The following KCNG2 variants were observed in gnomAD, a reference collection of about 807,000 sequenced individuals.
KCNG2 encodes voltage-gated potassium channel regulatory subunit KCNG2.
KCNG2 carries 7 observed loss-of-function variants against 12.3 expected under a neutral mutation model. The ratio of observed to expected loss-of-function variants is 0.57; its 90% CI spans 0.32 to 1.07. The LOEUF (loss-of-function observed/expected upper bound fraction) is 1.07. Ranked by LOEUF, KCNG2 falls within the 50% of genes least tolerant of loss-of-function variation. The pLI is 0.04. For missense variants in KCNG2, 703 were observed against 726.0 expected, an observed-to-expected ratio of 0.97 and a Z score of 0.36; for synonymous variants, 414 against 351.4, an observed-to-expected ratio of 1.18 and a Z score of -1.99.
chr18:79,800,601 A>AG lies in KCNG2; in HGVS notation c.-115+2590dup, dbSNP rs1281366732. Among the ~76,000 whole-genome samples, 1 of 152,242 alleles carries AG rather than the reference A, an allele frequency of 6.6e-6. No homozygotes were observed. The highest frequency in any genetic ancestry group is 2.4e-5 in the African/African-American group (1 of 41,476). On this transcript the variant is annotated intron_variant, in intron 1 of 3. Coordinates refer to ENST00000316249, the MANE Select transcript of KCNG2 (RefSeq NM_012283.2). This position sits in a 1 kb window ranked among gnomAD's most constrained non-coding sequence, Gnocchi z 4.0. Reference sequence around the variant, plus strand: ...CCGCCTTCCCGTGTGGGAGGCACTCAGGGTCCTTGCTGGTGTCGGAGAAAC... The same window carrying AG: ...CCGCCTTCCCGTGTGGGAGGCACTCAGGGGTCCTTGCTGGTGTCGGAGAAAC...
chr18:79,897,178 T>G (rs953934797), intron 3 of KCNG2, among the ~76,000 whole-genome samples: 1 of 152,070 alleles, frequency 6.6e-6, no homozygotes, highest in African/African-American at 2.4e-5. Flanking sequence ...TTTTCCCTTC[T>G]CTCCTCTCCT....
chr18:79,812,219 CAT>C (rs1185483596), intron 1 of KCNG2, among the ~76,000 whole-genome samples: 2 of 152,108 alleles, frequency 1.3e-5, no homozygotes, highest in African/African-American at 4.8e-5. Flanking sequence ...ATTCGAAACA[CAT>C]AGAACTGAAT....
At chr18:79,844,004 T>C (rs1268525757) in intron 1 of KCNG2, among the ~76,000 whole-genome samples, 1 of 152,206 alleles carries the variant, frequency 6.6e-6, no homozygotes, top group African/African-American at 2.4e-5. Flanking sequence ...GCTTTAAGGA[T>C]ATACATAGGC....
Position 79,896,926 on chromosome 18 carries a change from G to A in KCNG2, c.625-2114G>A, listed in dbSNP as rs114971802. Among the ~76,000 whole-genome samples, 1,279 of 152,304 alleles carry A rather than the reference G, an allele frequency of 8.4e-3. 13 individuals are homozygous for A. Among genetic ancestry groups the A allele is most frequent in the African/African-American group, 0.027 (1,105 of 41,532 alleles). On this transcript the variant is annotated intron_variant, in intron 3 of 3. Transcript: ENST00000316249. ...CTATCCCACTGCCTTATGGCTTGCA[G>A]TGTTTCTGCTGGTAAGTCAGCCGTT...
At chr18:79,816,906 A>G (rs2087532685) in intron 1 of KCNG2, among the ~76,000 whole-genome samples, 1 of 152,250 alleles carries the variant, frequency 6.6e-6, no homozygotes, top group African/African-American at 2.4e-5. Context: ...GGCGGCAGCA[A>G]AAGACGCAGC....
chr18:79,885,394 C>T (rs189709554), intron 3 of KCNG2, among the ~76,000 whole-genome samples: 260 of 152,246 alleles, frequency 1.7e-3, no homozygotes, highest in African/African-American at 5.9e-3. Flanking sequence ...CTGAAAGTTC[C>T]GGAAACGTGC....
At chr18:79,861,933 T>C (rs1178767785) in intron 2 of KCNG2, among the ~76,000 whole-genome samples, 1 of 152,242 alleles carries the variant, frequency 6.6e-6, no homozygotes, top group Admixed American at 6.5e-5. Flanking sequence ...TCTAATGAGC[T>C]TTTCATTTCA....
rs145617182 is a variant in KCNG2, at chr18:79,801,462, C to G, written c.-115+3448C>G. 5.8e-3 allele frequency among the ~76,000 whole-genome samples: 883 copies of G among 152,356 alleles called. 16 individuals carry two copies. The highest frequency in any genetic ancestry group is 0.02 in the African/African-American group (839 of 41,594). Reference sequence around the variant, plus strand: ...GTGGAGGGGCCACACCTGCCCCGCACTGCCCACCCTTCACCCAGGCCCGGC... The same window carrying G: ...GTGGAGGGGCCACACCTGCCCCGCAGTGCCCACCCTTCACCCAGGCCCGGC... On this transcript the variant is annotated intron_variant, in intron 1 of 3. Transcript: ENST00000316249.
chr18:79,863,955 G>T lies in KCNG2; in HGVS notation c.288G>T (p.Pro96=). The T allele has an allele frequency of 1.5e-6, 2 of 1,302,792 alleles. No individual in the cohort carries two copies. 80.7% of individuals were successfully genotyped at this position (1,302,792 alleles called of 1,614,324 possible). A position where few individuals can be genotyped will look rare whatever the true frequency, so the allele number is the denominator to read the frequency against. ...RAGKLRLLRG[P]CALAFRDELA... is the part of the protein sequence containing the mutation. ...GGAAGCTGCGACTGCTGCGGGGCCC[G>T]TGCGCGCTGGCCTTCCGCGACGAGC... The change falls in exon 3 of 4, where the codon CCG becomes CCT. Residue 96 remains proline (P), a synonymous_variant. Transcript: ENST00000316249.
At chr18:79,809,479 CCACG>C (rs2087475769) in intron 1 of KCNG2, among the ~76,000 whole-genome samples, 1 of 105,358 alleles carries the variant, frequency 9.5e-6, no homozygotes, top group African/African-American at 3.5e-5. Flanking sequence ...TGACCACACT[CCACG>C]TTATGGGCCC....
intron 1 of KCNG2, among the ~76,000 whole-genome samples, chr18:79,842,390 G>A (rs982210867): frequency 2.0e-5 from 3 of 152,198 alleles, no homozygotes; most frequent in African/African-American, 4.8e-5. Flanking sequence ...AGTTTATAAA[G>A]ACTGGAAGAG....
chr18:79,866,134 G>A (rs5016330), intron 3 of KCNG2, among the ~76,000 whole-genome samples: 13,192 of 88,790 alleles, frequency 0.15, 868 homozygotes, highest in Middle Eastern at 0.28. Flanking sequence ...GTGTTCTGAG[G>A]TCTGGGTGCT....
intron 1 of KCNG2, among the ~76,000 whole-genome samples, chr18:79,853,830 C>T (rs759796633): frequency 9.9e-5 from 15 of 152,244 alleles, no homozygotes; most frequent in Non-Finnish European, 1.5e-4. Context: ...CTCCAGGGCC[C>T]GAGACGGGCG....
intron 1 of KCNG2, among the ~76,000 whole-genome samples, chr18:79,816,844 G>A (rs2087532291): frequency 1.3e-5 from 2 of 152,232 alleles, no homozygotes; most frequent in South Asian, 4.1e-4. Flanking sequence ...CACAAATCCA[G>A]AAGTTACCGA....
chr18:79,804,512 C>T (rs1020578003), intron 1 of KCNG2, among the ~76,000 whole-genome samples: 2 of 152,232 alleles, frequency 1.3e-5, no homozygotes, highest in Non-Finnish European at 2.9e-5. Context: ...CAGGTGCACC[C>T]GTGGCCGGTC....
At position 79,836,106 on chromosome 18, in the gene KCNG2, G is replaced by T. The variant is rs539849236; in HGVS notation, c.-114-20273G>T. On this transcript the variant is annotated intron_variant, in intron 1 of 3. Coordinates refer to ENST00000316249, the MANE Select transcript of KCNG2 (RefSeq NM_012283.2). The stretch of plus-strand genomic sequence containing the variant: ...ATTGGCAGAGTGGGTTTAAAAGCAT[G>T]ACCCAATGATAAGCAGTCCACAAGA... 2.0e-5 allele frequency among the ~76,000 whole-genome samples: 3 copies of T among 152,298 alleles called. No homozygotes were observed. In the South Asian group the frequency reaches 6.2e-4, roughly 32 times the overall value.
intron 2 of KCNG2, among the ~76,000 whole-genome samples, chr18:79,862,382 G>C (rs968455093): frequency 3.3e-5 from 5 of 152,172 alleles, no homozygotes; most frequent in Non-Finnish European, 5.9e-5. Flanking sequence ...GCAAGTGGTG[G>C]GACATATAGA....
chr18:79,869,302 G>A (rs758541095), intron 3 of KCNG2, among the ~76,000 whole-genome samples: 1 of 152,184 alleles, frequency 6.6e-6, no homozygotes, highest in Non-Finnish European at 1.5e-5. Context: ...CCACGGAAAC[G>A]CCTGGTCTGC....
chr18:79,838,413 CTT>C (rs753255677), intron 1 of KCNG2, among the ~76,000 whole-genome samples: 2 of 142,398 alleles, frequency 1.4e-5, no homozygotes, highest in Middle Eastern at 3.6e-3. Context: ...CCAAACAAGT[CTT>C]TTTTTTTTTT....
Sources: allele counts gnomAD v4.1 joint callset (sites outside exome capture counted in the v4.1 genomes callset), GRCh38; gene constraint gnomAD v4.1.1; non-coding constraint Gnocchi (gnomAD v3.1); transcripts MANE v1.5; gene names NCBI Gene and HGNC (gene_info 2026-07-23, HGNC 2026-07-21).